PAM: variants seen among roughly 807,000 people sequenced by gnomAD.
PAM encodes the protein peptidylglycine alpha-amidating monooxygenase, also known as peptidyl-glycine alpha-amidating monooxygenase.
Under a neutral mutation model 122.1 loss-of-function variants are expected in PAM, and 72 were observed. The observed-to-expected ratio is 0.59, with a 90% confidence interval of 0.49 to 0.72. The LOEUF is 0.72. PAM is among the 30% of genes least tolerant of loss of function. PAM has a pLI of 0.00. For synonymous variants in PAM, 389 were observed against 404.4 expected (o/e 0.96, Z 0.46); for missense variants, 1,106 against 1,183.7 (o/e 0.93, Z 0.96).
chr5:102,824,587 A>G (rs925822381), intron 1 of PAM, among the ~76,000 whole-genome samples: 4 of 152,204 alleles, frequency 2.6e-5, no homozygotes, highest in African/African-American at 9.7e-5. Context: ...TAACTGTGAT[A>G]GCTGCATCTG....
intron 1 of PAM, among the ~76,000 whole-genome samples, chr5:102,798,189 T>G (rs752685413): frequency 1.3e-5 from 2 of 152,182 alleles, no homozygotes; most frequent in African/African-American, 2.4e-5. Flanking sequence ...GTGGAATTTT[T>G]GAGATAAAGA....
At chr5:103,012,012 A>G (rs994678081) in intron 21 of PAM, among the ~76,000 whole-genome samples, 7 of 152,178 alleles carry the variant, frequency 4.6e-5, no homozygotes, top group African/African-American at 1.7e-4. Context: ...CTGATGATCA[A>G]TGATGTTGAG....
At chr5:102,759,067 G>A (rs1267831379) in intron 1 of PAM, among the ~76,000 whole-genome samples, 1 of 152,162 alleles carries the variant, frequency 6.6e-6, no homozygotes, top group Non-Finnish European at 1.5e-5. Context: ...TGACTGAAAG[G>A]TCTAGAGAGG....
At chr5:102,774,159 C>T (rs539837666) in intron 1 of PAM, among the ~76,000 whole-genome samples, 10 of 152,076 alleles carry the variant, frequency 6.6e-5, no homozygotes, top group East Asian at 1.9e-4. Context: ...TTGTGAATAG[C>T]GCTGCAGTGA....
chr5:103,022,170 A>G (rs926052396), intron 23 of PAM, among the ~76,000 whole-genome samples: 6 of 151,366 alleles, frequency 4.0e-5, no homozygotes, highest in Non-Finnish European at 8.9e-5. Flanking sequence ...AAATAAAAAA[A>G]CCTCTTTAGT....
In PAM at chr5:102,826,320, C is replaced by T. The variant is rs562100249; in HGVS notation, c.-373-39503C>T. ...TCTCCCTAAACAGATAGTTTCTGCT[C>T]TGTATGTAATTTTTGAGCTTTATGA... On this transcript the variant is annotated intron_variant, in intron 1 of 25. Coordinates refer to ENST00000438793, the MANE Select transcript of PAM (RefSeq NM_001177306.2). 3.9e-5 allele frequency among the ~76,000 whole-genome samples: 6 copies of T among 152,202 alleles called. No homozygotes were observed. The South Asian group carries it at 1.2e-3, about 32-fold the overall frequency.
intron 3 of PAM, among the ~76,000 whole-genome samples, chr5:102,891,593 GAA>G (rs1794811098): frequency 6.6e-6 from 1 of 151,660 alleles, no homozygotes; most frequent in African/African-American, 2.4e-5. Context: ...CCTTTGAAAG[GAA>G]AAAAGTATAA....
At chr5:102,987,731 T>C (rs572269769) in intron 15 of PAM, among the ~76,000 whole-genome samples, 1 of 152,300 alleles carries the variant, frequency 6.6e-6, no homozygotes, top group South Asian at 2.1e-4. Flanking sequence ...GTTCTCCCTT[T>C]TGTGACAAGC....
At chr5:103,002,576 C>G (rs925642090) in intron 16 of PAM, among the ~76,000 whole-genome samples, 1 of 152,116 alleles carries the variant, frequency 6.6e-6, no homozygotes, top group South Asian at 2.1e-4. Context: ...TTGATCACTG[C>G]TCTTCCAGCT....
chr5:102,779,319 A>C (rs1404871683), intron 1 of PAM, among the ~76,000 whole-genome samples: 1 of 151,884 alleles, frequency 6.6e-6, no homozygotes, highest in Non-Finnish European at 1.5e-5. Context: ...TAATAAGATA[A>C]TGTGTATTTC....
At position 103,009,924 on chromosome 5, in the gene PAM, T is replaced by C. The variant is rs539557720; in HGVS notation, c.2331+58T>C. ...CATGAGAAGAAGACTAAAATATAAA[T>C]CTTGGCATTCAATCTGTACTTGAAT... On this transcript the variant is annotated intron_variant, in intron 21 of 25. Coordinates refer to ENST00000438793, the MANE Select transcript of PAM (RefSeq NM_001177306.2). 3.0e-5 allele frequency: 26 copies of C among 860,410 alleles called. No homozygotes were observed. The South Asian group carries it at 4.9e-4, about 16-fold the overall frequency. The allele number at this position is 860,410 out of a possible 1,614,324, so 53.3% of individuals were successfully genotyped here. A position where few individuals can be genotyped will look rare whatever the true frequency, so the allele number is the denominator to read the frequency against.
chr5:102,835,815 A>C (rs780994376), intron 1 of PAM, among the ~76,000 whole-genome samples: 3 of 152,184 alleles, frequency 2.0e-5, no homozygotes, highest in Non-Finnish European at 4.4e-5. Flanking sequence ...ATTTAAATTT[A>C]AAGTATATTT....
chr5:102,798,939 T>A (rs556597806), intron 1 of PAM, among the ~76,000 whole-genome samples: 2 of 152,346 alleles, frequency 1.3e-5, no homozygotes, highest in South Asian at 4.1e-4. Flanking sequence ...TCCTATTGCT[T>A]AGGATGAAAT....
chr5:102,978,644 G>A (rs1039821820), intron 15 of PAM, among the ~76,000 whole-genome samples: 1 of 152,034 alleles, frequency 6.6e-6, no homozygotes, highest in South Asian at 2.1e-4. Flanking sequence ...GATTCAGAAG[G>A]TGTTCAATTA....
intron 21 of PAM, among the ~76,000 whole-genome samples, chr5:103,016,151 A>G (rs977626617): frequency 3.2e-4 from 48 of 152,200 alleles, no homozygotes; most frequent in African/African-American, 1.1e-3. Context: ...CATATTTGTC[A>G]CAGCTTATTT....
chr5:102,970,738 G>GCCAC (rs1765560602), intron 14 of PAM, among the ~76,000 whole-genome samples: 1 of 152,116 alleles, frequency 6.6e-6, no homozygotes, highest in Non-Finnish European at 1.5e-5. Context: ...AGCTGTAGTA[G>GCCAC]CCACAGTGAC....
At chr5:103,006,775 T>G (rs1348941185) in intron 18 of PAM, 26 bp from the exon 19 acceptor site, 2 of 1,541,892 alleles carry the variant, frequency 1.3e-6, no homozygotes, top group East Asian at 4.5e-5. Flanking sequence ...GAAAAGTAGG[T>G]AAGGCTTTTG....
rs183074594 is a variant in PAM, at chr5:103,029,104, G to A, written c.*39G>A. ...ATTTAGATTGAGTAAGATTTACCCA[G>A]AATGTCAGATTCCTTTCCCTTTAGC... is the stretch of plus-strand genomic sequence containing the variant. On this transcript the variant is annotated 3_prime_UTR_variant, in exon 26 of 26. Coordinates refer to ENST00000438793, the MANE Select transcript of PAM (RefSeq NM_001177306.2). 178 of 1,525,600 alleles carry A rather than the reference G, an allele frequency of 1.2e-4. 1 individual carries two copies. The highest frequency in any genetic ancestry group is 7.6e-5 in the Admixed American group (4 of 52,448). The allele number at this position is 1,525,600 out of a possible 1,614,324, so 94.5% of individuals were successfully genotyped here. A position where few individuals can be genotyped will look rare whatever the true frequency, so the allele number is the denominator to read the frequency against.
rs144901914 is a variant in PAM, at chr5:102,784,192, T to C, written c.-374+28844T>C. On this transcript the variant is annotated intron_variant, in intron 1 of 25. Coordinates refer to ENST00000438793, the MANE Select transcript of PAM (RefSeq NM_001177306.2). ...ACAGGCGTGAGCCACCGCGCCCGGC[T>C]GATCTACCCCCATCTTTCTCTCTGT... 8.4e-3 allele frequency among the ~76,000 whole-genome samples: 1,274 copies of C among 152,186 alleles called. 11 individuals carry two copies. The highest frequency in any genetic ancestry group is 0.018 in the South Asian group (87 of 4,828).
Sources: allele counts gnomAD v4.1 joint callset (sites outside exome capture counted in the v4.1 genomes callset), GRCh38; gene constraint gnomAD v4.1.1; transcripts MANE v1.5; gene names NCBI Gene and HGNC (gene_info 2026-07-23, HGNC 2026-07-21).